KDM4C: variants seen among roughly 807,000 people sequenced by gnomAD.
KDM4C encodes lysine-specific demethylase 4C.
Under a neutral mutation model 129.3 loss-of-function variants are expected in KDM4C, and 81 were observed. The observed-to-expected ratio is 0.63, with a 90% CI of 0.52 to 0.75. The LOEUF is 0.75. Among genes scored for constraint, KDM4C ranks in the 30% least tolerant of loss-of-function variants. KDM4C has a pLI of 0.00. For synonymous variants in KDM4C, 573 were observed against 456.1 expected (o/e 1.26, Z -3.26); for missense variants, 1,457 against 1,304.0 (o/e 1.12, Z -1.81).
At chr9:6,866,971 T>TTGTGTGTG in intron 5 of KDM4C, among the ~76,000 whole-genome samples, 1 of 126,258 alleles carries the variant, frequency 7.9e-6, no homozygotes, top group South Asian at 2.4e-4. Context: ...AAATATATGT[T>TTGTGTGTG]TGTGTGTGTG....
intron 8 of KDM4C, among the ~76,000 whole-genome samples, chr9:6,934,801 T>G (rs1824452198): frequency 6.6e-6 from 1 of 152,122 alleles, no homozygotes; most frequent in African/African-American, 2.4e-5. Flanking sequence ...GGATATGAAC[T>G]GATCCTTCTT....
intron 1 of KDM4C, among the ~76,000 whole-genome samples, chr9:6,724,540 A>G (rs1313240141): frequency 6.6e-6 from 1 of 151,996 alleles, no homozygotes; most frequent in Admixed American, 6.6e-5. Context: ...TATTATTATT[A>G]TTATTTTTGA....
At chr9:6,812,498 G>A (rs150294728) in intron 3 of KDM4C, among the ~76,000 whole-genome samples, 208 of 152,272 alleles carry the variant, frequency 1.4e-3, no homozygotes, top group African/African-American at 4.1e-3. Flanking sequence ...GGATGAAACG[G>A]TCCTACCTCA....
chr9:6,940,291 A>T (rs976085786), intron 8 of KDM4C, among the ~76,000 whole-genome samples: 2 of 152,012 alleles, frequency 1.3e-5, no homozygotes, highest in East Asian at 1.9e-4. Flanking sequence ...GAGTTTTGCC[A>T]TGTTGCCCAG....
intron 18 of KDM4C, among the ~76,000 whole-genome samples, chr9:7,114,725 C>G (rs1390856694): frequency 6.6e-6 from 1 of 152,150 alleles, no homozygotes; most frequent in Non-Finnish European, 1.5e-5. Flanking sequence ...ATGCTTGGCT[C>G]TGTCATTTCC....
intron 17 of KDM4C, among the ~76,000 whole-genome samples, chr9:7,081,663 G>A (rs1357598029): frequency 2.0e-5 from 3 of 152,290 alleles, no homozygotes; most frequent in South Asian, 4.1e-4. Context: ...CACCTCACGA[G>A]CCCAGAGCCT....
rs36081903 is a variant in KDM4C, at chr9:6,984,666, G to GT, written c.1354+274dup. On this transcript the variant is annotated intron_variant, in intron 10 of 21. Transcript: ENST00000381309. The stretch of plus-strand genomic sequence containing the variant: ...AATAAAAAAGAAGATTCTAAAATGA[G>GT]TTTTTTTTTTTTCGTGCAACTCAAT... Among the ~76,000 whole-genome samples, 989 of 147,642 alleles carry GT rather than the reference G, an allele frequency of 6.7e-3. 3 individuals are homozygous for GT. The highest frequency in any genetic ancestry group is 0.01 in the Non-Finnish European group (668 of 66,756).
At chr9:6,767,324 G>C (rs1004552868) in intron 1 of KDM4C, among the ~76,000 whole-genome samples, 6 of 150,904 alleles carry the variant, frequency 4.0e-5, no homozygotes, top group South Asian at 2.1e-4. Flanking sequence ...TGTGTTTTTA[G>C]TGGAGACAGG....
chr9:7,162,111 G>T lies in KDM4C; in HGVS notation c.2782-3127G>T, dbSNP rs189078441. ...CTTCCAGCTGAATGACCTGGTGCAG[G>T]GTGAGAAAGGAGCTGTTATGGATGA... On this transcript the variant is annotated intron_variant, in intron 19 of 21. Coordinates refer to ENST00000381309, the MANE Select transcript of KDM4C (RefSeq NM_015061.6). Among the ~76,000 whole-genome samples the T allele has an allele frequency of 9.1e-4, 138 of 152,310 alleles. 2 individuals carry two copies. The highest frequency in any genetic ancestry group is 5.6e-3 in the Admixed American group (85 of 15,296).
Position 6,917,787 on chromosome 9 carries a change from C to T in KDM4C, c.921+24555C>T, listed in dbSNP as rs369948759. ...AGCACATTTTCCTACCTATCAGTCC[C>T]GGTGCCCATACACTTGAACTCCCAT... is the stretch of plus-strand genomic sequence containing the variant. On this transcript the variant is annotated intron_variant, in intron 8 of 21. Transcript: ENST00000381309. 6.2e-4 allele frequency among the ~76,000 whole-genome samples: 94 copies of T among 152,256 alleles called. No individual in the cohort carries two copies. The South Asian group carries it at 7.7e-3, about 12-fold the overall frequency.
chr9:6,985,901 G>T (rs1424917207), intron 10 of KDM4C, among the ~76,000 whole-genome samples: 1 of 152,174 alleles, frequency 6.6e-6, no homozygotes, highest in Non-Finnish European at 1.5e-5. Flanking sequence ...GTGTTGGCCA[G>T]GCTGATCTTG....
At chr9:7,136,391 T>C (rs543725767) in intron 19 of KDM4C, among the ~76,000 whole-genome samples, 15 of 152,358 alleles carry the variant, frequency 9.8e-5, no homozygotes, top group Non-Finnish European at 2.1e-4. Context: ...TGTTCAACTT[T>C]ATAGGAAACT....
At chr9:7,026,411 C>T (rs1825829869) in intron 15 of KDM4C, among the ~76,000 whole-genome samples, 1 of 151,946 alleles carries the variant, frequency 6.6e-6, no homozygotes, top group East Asian at 1.9e-4. Flanking sequence ...GACACTCTCT[C>T]CTGGCCTGTT....
At chr9:6,762,262 C>A (rs1819704048) in intron 1 of KDM4C, among the ~76,000 whole-genome samples, 1 of 152,058 alleles carries the variant, frequency 6.6e-6, no homozygotes, top group Non-Finnish European at 1.5e-5. Context: ...CCCCACCCCA[C>A]AACAGGCCCT....
chr9:7,161,426 G>A (rs1038314034), intron 19 of KDM4C, among the ~76,000 whole-genome samples: 3 of 152,220 alleles, frequency 2.0e-5, no homozygotes, highest in African/African-American at 7.2e-5. Context: ...CACGCTGAGA[G>A]CTGCAGACGG....
In KDM4C at chr9:7,103,719, T is replaced by C. The variant is rs1249257568; in HGVS notation, c.2459T>C (p.Val820Ala). 6.2e-7 allele frequency: 1 copy of C among 1,613,710 alleles called. No individual in the cohort carries two copies. Among genetic ancestry groups the C allele is most frequent in the East Asian group, 2.2e-5 (1 of 44,864 alleles). Residue 820 changes from valine to alanine, a missense_variant, in exon 18 of 22, where the codon GTC becomes GCC. Val to Ala is a moderately conservative substitution (Grantham distance 64). Transcript: ENST00000381309. Reference protein sequence around the residue: ...CIFCRHRVKRVSGACIQCSYG... With the variant: ...CIFCRHRVKRASGACIQCSYG... ...TTCTGCAGACACCGGGTTAAGAGGGTCTCTGGAGCCTGCATCCAGTGTTCC... is the reference window on the plus strand; with the variant it reads ...TTCTGCAGACACCGGGTTAAGAGGGCCTCTGGAGCCTGCATCCAGTGTTCC...
At chr9:7,088,605 A>G (rs1371928289) in intron 17 of KDM4C, among the ~76,000 whole-genome samples, 1 of 152,212 alleles carries the variant, frequency 6.6e-6, no homozygotes, top group Non-Finnish European at 1.5e-5. Flanking sequence ...ATAATATGCA[A>G]TCGTCTGAAA....
At chr9:7,051,040 C>G (rs1277793913) in intron 17 of KDM4C, among the ~76,000 whole-genome samples, 1 of 152,106 alleles carries the variant, frequency 6.6e-6, no homozygotes, top group African/African-American at 2.4e-5. Context: ...AAAGTCTATT[C>G]AAATGATAAC....
At chr9:6,849,209 A>G (rs962793218) in intron 4 of KDM4C, among the ~76,000 whole-genome samples, 1 of 152,208 alleles carries the variant, frequency 6.6e-6, no homozygotes, top group Admixed American at 6.5e-5. Context: ...TTTTTTGCTG[A>G]CAGCCAAGTT....
Sources: gnomAD v4.1 joint callset for allele counts (sites outside exome capture counted in the v4.1 genomes callset) on GRCh38, gnomAD v4.1.1 for gene constraint, MANE v1.5 for transcripts, NCBI Gene and HGNC (gene_info 2026-07-23, HGNC 2026-07-21) for gene names.